Variants in WDR26 observed in about 807,000 individuals in gnomAD.
The protein encoded by WDR26 is WD repeat-containing protein 26.
Under a neutral mutation model 84.1 loss-of-function variants are expected in WDR26, and 5 were observed. That is an observed-to-expected ratio of 0.06 (90% CI 0.03 to 0.13). The LOEUF is 0.13. Among genes scored for constraint, WDR26 ranks in the 10% least tolerant of loss-of-function variants. The probability of loss-of-function intolerance (pLI) is 1.00; values close to 1 mark genes in which losing one functional copy is unlikely to be tolerated. For synonymous variants in WDR26, 415 were observed against 389.6 expected, an observed-to-expected ratio of 1.07 and a Z score of -0.77; for missense variants, 642 against 974.9, an observed-to-expected ratio of 0.66 and a Z score of 4.55.
chr1:224,397,914 A>T (rs1012676224), intron 12 of WDR26, 183 bp downstream of exon 12: 14 of 657,018 alleles, frequency 2.1e-5, no homozygotes, highest in Non-Finnish European at 3.5e-5. Context: ...ACATGACAGC[A>T]TGTGACAATT....
rs1673064837 is a variant in WDR26 at position 224,389,437 on chromosome 1, C to A, written c.*398G>T. 2.3e-6 allele frequency: 1 copy of A among 439,004 alleles called. No homozygotes were observed. The highest frequency in any genetic ancestry group is 4.0e-6 in the Non-Finnish European group (1 of 252,318). The allele number at this position is 439,004 out of a possible 1,614,324, so 27.2% of individuals were successfully genotyped here. A position where few individuals can be genotyped will look rare whatever the true frequency, so the allele number is the denominator to read the frequency against. Reference sequence around the variant, plus strand: ...AGACTAATGCACTCTTTCTATCAAGCCTTCTAAACTGTTAAATAAAGTTTT... The same window carrying A: ...AGACTAATGCACTCTTTCTATCAAGACTTCTAAACTGTTAAATAAAGTTTT... On this transcript the variant is annotated 3_prime_UTR_variant, in exon 14 of 14. Transcript: ENST00000414423.
At chr1:224,422,530 A>C (rs1270834116) in intron 4 of WDR26, among the ~76,000 whole-genome samples, 1 of 152,196 alleles carries the variant, frequency 6.6e-6, no homozygotes, top group Admixed American at 6.5e-5. Context: ...AGCCTGGCCA[A>C]TGTGGTGAGA....
intron 1 of WDR26, among the ~76,000 whole-genome samples, chr1:224,432,589 A>C (rs1674423500): frequency 6.6e-6 from 1 of 152,190 alleles, no homozygotes; most frequent in Non-Finnish European, 1.5e-5. Flanking sequence ...TTCAGCTTTA[A>C]AACTTAATTT....
chr1:224,413,422 G>T, intron 6 of WDR26: 1 of 544,666 alleles, frequency 1.8e-6, no homozygotes, highest in Non-Finnish European at 2.7e-6. Context: ...GTATTTGCAG[G>T]CTGTTTTAAA....
rs1402113316 is a variant in WDR26, at chr1:224,434,133, G to C, written c.273C>G (p.Ser91Arg). 2.1e-6 allele frequency: 3 copies of C among 1,421,746 alleles called. No individual in the cohort carries two copies. 88.1% of individuals were successfully genotyped at this position (1,421,746 alleles called of 1,614,324 possible). A position where few individuals can be genotyped will look rare whatever the true frequency, so the allele number is the denominator to read the frequency against. ...TGCTGCCGCTGACCAGGCTGTGGCCGCTACTTCGGTGGGGGACAGCAGCGG... is the reference window on the plus strand; with the variant it reads ...TGCTGCCGCTGACCAGGCTGTGGCCCCTACTTCGGTGGGGGACAGCAGCGG... Residue 91 changes from serine (S) to arginine (R), a missense_variant, in exon 1 of 14, where the codon AGC (serine) becomes AGG (arginine). Ser to Arg is a moderately radical substitution (Grantham distance 110, BLOSUM62 -1). This residue lies in a region of WDR26 where 291 missense variants were observed against 302.1 expected (regional missense o/e 0.96). Transcript: ENST00000414423.
At chr1:224,433,636 T>A in intron 1 of WDR26, 48 bp downstream of exon 1, 2 of 1,096,850 alleles carry the variant, frequency 1.8e-6, no homozygotes, top group African/African-American at 2.2e-5. Context: ...CCCTGGAGCC[T>A]CCGTCCCTCG....
intron 3 of WDR26, among the ~76,000 whole-genome samples, chr1:224,428,634 C>A (rs1014815784): frequency 6.6e-6 from 1 of 152,130 alleles, no homozygotes; most frequent in African/African-American, 2.4e-5. Flanking sequence ...CGGTGGCTCA[C>A]GCCTATAATC....
intron 7 of WDR26, 66 bp downstream of exon 7, chr1:224,411,361 T>A (rs561573104): frequency 6.7e-7 from 1 of 1,492,468 alleles, no homozygotes; most frequent in African/African-American, 1.4e-5. Context: ...TAAAAATATG[T>A]AATCAATGAA....
At chr1:224,403,165 G>C (rs1164032309) in intron 8 of WDR26, among the ~76,000 whole-genome samples, 1 of 151,956 alleles carries the variant, frequency 6.6e-6, no homozygotes, top group East Asian at 1.9e-4. Flanking sequence ...CGATTCTCCT[G>C]CCTCAGCCTC....
intron 4 of WDR26, among the ~76,000 whole-genome samples, chr1:224,423,156 G>C (rs1236575432): frequency 9.2e-5 from 14 of 152,140 alleles, no homozygotes; most frequent in Admixed American, 9.2e-4. Context: ...TTTTTTAGTG[G>C]ATTCCTTAAA....
Position 224,424,003 on chromosome 1 carries a change from G to C in WDR26, c.1064+515C>G, listed in dbSNP as rs527842927. ...TCCCTGCACTCTGGGAAGATCACAG[G>C]AGTTTGAGATCACACTGGACAACAC... On this transcript the variant is annotated intron_variant, in intron 4 of 13. Transcript: ENST00000414423. Among the ~76,000 whole-genome samples the C allele has an allele frequency of 1.1e-4, 16 of 152,228 alleles. No homozygotes were observed. The South Asian group carries it at 3.3e-3, about 32-fold the overall frequency.
chr1:224,413,579 G>A (rs1673797614), intron 6 of WDR26, among the ~76,000 whole-genome samples: 1 of 152,092 alleles, frequency 6.6e-6, no homozygotes, highest in Non-Finnish European at 1.5e-5. Flanking sequence ...TATTGCTCAT[G>A]GAAGTACTAT....
chr1:224,415,509 G>A (rs1443091256), intron 6 of WDR26, among the ~76,000 whole-genome samples: 1 of 138,004 alleles, frequency 7.2e-6, no homozygotes, highest in Non-Finnish European at 1.5e-5. Flanking sequence ...CGCCCAAGCT[G>A]GAGTGCAGTG....
intron 6 of WDR26, among the ~76,000 whole-genome samples, chr1:224,416,780 T>G (rs1312453448): frequency 6.6e-6 from 1 of 152,158 alleles, no homozygotes; most frequent in African/African-American, 2.4e-5. Context: ...AAGATTTGGG[T>G]TCACAAGCGT....
intron 1 of WDR26, among the ~76,000 whole-genome samples, chr1:224,432,121 T>A (rs1182808316): frequency 6.6e-6 from 1 of 152,194 alleles, no homozygotes; most frequent in South Asian, 2.1e-4. Context: ...ACATACTACG[T>A]TACATTTTGA....
chr1:224,393,481 G>C (rs1347875007), intron 13 of WDR26, among the ~76,000 whole-genome samples: 1 of 152,066 alleles, frequency 6.6e-6, no homozygotes, highest in Non-Finnish European at 1.5e-5. Context: ...TGTATGGTTA[G>C]TTTCATGTGT....
In WDR26 at chr1:224,389,639, C is replaced by T. The variant is rs1384118181; in HGVS notation, c.*196G>A. ...AACATGGTGTCCAACAACGTTCTAA[C>T]GACGTGCTTCATCTCAACTGGTTAC... On this transcript the variant is annotated 3_prime_UTR_variant, in exon 14 of 14. Coordinates refer to ENST00000414423, the MANE Select transcript of WDR26 (RefSeq NM_001379403.1). 1.9e-5 allele frequency: 12 copies of T among 630,392 alleles called. No individual in the cohort carries two copies. The highest frequency in any genetic ancestry group is 7.6e-5 in the African/African-American group (4 of 52,288). The allele number at this position is 630,392 out of a possible 1,614,324, so 39.0% of individuals were successfully genotyped here. A position where few individuals can be genotyped will look rare whatever the true frequency, so the allele number is the denominator to read the frequency against.
chr1:224,394,125 TA>T (rs1317476613), intron 12 of WDR26, 112 bp from the exon 13 acceptor site: 1 of 735,164 alleles, frequency 1.4e-6, no homozygotes, highest in East Asian at 3.0e-5. Context: ...AAAGGGAAAA[TA>T]AATATACCAT....
At chr1:224,397,393 G>A (rs1420486889) in intron 12 of WDR26, among the ~76,000 whole-genome samples, 1 of 152,208 alleles carries the variant, frequency 6.6e-6, no homozygotes, top group African/African-American at 2.4e-5. Flanking sequence ...TTTGCCACTA[G>A]TTAAGTTCCT....
Sources: allele counts gnomAD v4.1 joint callset (sites outside exome capture counted in the v4.1 genomes callset), GRCh38; gene constraint gnomAD v4.1.1; regional missense constraint gnomAD v4.1.1; transcripts MANE v1.5; gene names NCBI Gene and HGNC (gene_info 2026-07-23, HGNC 2026-07-21).